PCDHGB2: variants seen among roughly 807,000 people sequenced by gnomAD.
PCDHGB2 encodes protocadherin gamma-B2.
Under a neutral mutation model 59.3 loss-of-function variants are expected in PCDHGB2, and 55 were observed. The observed-to-expected ratio is 0.93, with a 90% CI of 0.75 to 1.16. PCDHGB2 has a LOEUF of 1.16. PCDHGB2 is among the 50% of genes most tolerant of loss of function. The probability of loss-of-function intolerance (pLI) is 0.00; values close to 1 mark genes in which losing one functional copy is unlikely to be tolerated. For synonymous variants in PCDHGB2, 516 were observed against 512.0 expected, an observed-to-expected ratio of 1.01 and a Z score of -0.11; for missense variants, 1,228 against 1,198.5, an observed-to-expected ratio of 1.02 and a Z score of -0.36.
At chr5:141,417,648 T>A in intron 1 of PCDHGB2, 5 of 818,672 alleles carry the variant, frequency 6.1e-6, no homozygotes, top group Non-Finnish European at 9.1e-6. Flanking sequence ...TCCCTCAGCC[T>A]CTAGCCTGGG....
At chr5:141,450,995 T>G (rs983544118) in intron 1 of PCDHGB2, among the ~76,000 whole-genome samples, 3 of 151,510 alleles carry the variant, frequency 2.0e-5, no homozygotes, top group Non-Finnish European at 4.4e-5. Context: ...CGGCTAATTT[T>G]TTTGTATTTT....
intron 1 of PCDHGB2, among the ~76,000 whole-genome samples, chr5:141,380,518 T>A (rs1166161347): frequency 2.6e-5 from 4 of 152,254 alleles, no homozygotes; most frequent in Non-Finnish European, 5.9e-5. Context: ...CTTTAAACTA[T>A]GAAATGATTT....
In PCDHGB2 at chr5:141,384,194, T is replaced by A. The variant is rs763395046; in HGVS notation, c.2421+21638T>A. 4.3e-6 allele frequency: 7 copies of A among 1,613,674 alleles called. No homozygotes were observed. In the East Asian group the frequency reaches 1.3e-4, roughly 31 times the overall value. ...GCCACAGATGGTGGAACTCCTCCCT[T>A]GTCCAGGGAAACTCACATATTCATG... On this transcript the variant is annotated intron_variant, in intron 1 of 3. Transcript: ENST00000522605.
At chr5:141,510,785 C>G (rs951225541) in intron 3 of PCDHGB2, among the ~76,000 whole-genome samples, 162 bp from the exon 4 acceptor site, 1 of 152,150 alleles carries the variant, frequency 6.6e-6, no homozygotes, top group Non-Finnish European at 1.5e-5. Flanking sequence ...ACCCTCAACT[C>G]TTGTGAAGAG....
rs1404447940 is a variant in PCDHGB2 at position 141,428,036 on chromosome 5, C to T, written c.2421+65480C>T. On this transcript the variant is annotated intron_variant, in intron 1 of 3. Transcript: ENST00000522605. ...TGCCACGCGCCGCAGAGTCCGGCTA[C>T]CTGGTGACCAAGGTGGTGGCGGTGG... The T allele has an allele frequency of 3.7e-6, 6 of 1,608,246 alleles. No homozygotes were observed. The African/African-American group carries it at 4.0e-5, about 11-fold the overall frequency.
chr5:141,503,773 C>A (rs961986223), intron 2 of PCDHGB2, among the ~76,000 whole-genome samples: 1 of 152,204 alleles, frequency 6.6e-6, no homozygotes. Context: ...TGTGTCTGTT[C>A]TTAGGCTGAG....
intron 1 of PCDHGB2, chr5:141,385,213 C>T (rs1481010729): frequency 1.7e-5 from 28 of 1,614,108 alleles, no homozygotes; most frequent in Non-Finnish European, 2.2e-5. Flanking sequence ...GATCTTCCCC[C>T]AGCCCAACTA....
chr5:141,432,421 C>T lies in PCDHGB2; in HGVS notation c.2422-62386C>T, dbSNP rs771647620. 10 of 1,614,126 alleles carry T rather than the reference C, an allele frequency of 6.2e-6. No homozygotes were observed. In the African/African-American group the frequency reaches 1.2e-4, roughly 19 times the overall value. ...TGTCGTTGAGCCTGTTCGTGCTGGA[C>T]CAGAACGACAATGCGCCCGAGATCC... On this transcript the variant is annotated intron_variant, in intron 1 of 3. Transcript: ENST00000522605. This position sits in a 1 kb window ranked among gnomAD's most constrained non-coding sequence, Gnocchi z 6.0.
chr5:141,399,038 A>G (rs1228007346), intron 1 of PCDHGB2: 2 of 1,613,854 alleles, frequency 1.2e-6, no homozygotes, highest in South Asian at 2.2e-5. Context: ...AAGAAACTGG[A>G]TTTTGAAGAG....
At chr5:141,460,596 C>G (rs930441447) in intron 1 of PCDHGB2, among the ~76,000 whole-genome samples, 2 of 151,986 alleles carry the variant, frequency 1.3e-5, no homozygotes, top group Non-Finnish European at 2.9e-5. Flanking sequence ...TTTCTGGGCT[C>G]TCTGTGTTAG....
At chr5:141,362,644 T>G in intron 1 of PCDHGB2, 88 bp downstream of exon 1, 2 of 1,454,150 alleles carry the variant, frequency 1.4e-6, no homozygotes, top group Non-Finnish European at 1.8e-6. Flanking sequence ...TCTTTGTCTG[T>G]GAGTTAGATT....
intron 1 of PCDHGB2, chr5:141,376,102 C>G (rs1772284190): frequency 6.2e-7 from 1 of 1,613,506 alleles, no homozygotes; most frequent in Non-Finnish European, 8.5e-7. Flanking sequence ...ACATCCTGGC[C>G]GACCTGGGCA....
Position 141,361,254 on chromosome 5 carries a change from CAG to C in PCDHGB2, c.1123_1124del (p.Asp375LeufsTer73). The C allele has an allele frequency of 6.2e-7, 1 of 1,613,964 alleles. No homozygotes were observed. Among genetic ancestry groups the C allele is most frequent in the South Asian group, 1.1e-5 (1 of 91,082 alleles). ...TVIALIKTRD[R>X]DSGENGEVYC... ...TGATCGCCTTGATAAAAACGAGAGA[CAG>C]AGACTCTGGAGAAAATGGAGAAGTT... On this transcript the variant is annotated frameshift_variant, in exon 1 of 4. Coordinates refer to ENST00000522605, the MANE Select transcript of PCDHGB2 (RefSeq NM_018923.3). LOFTEE classifies it high-confidence loss of function.
Position 141,486,362 on chromosome 5 carries a change from C to A in PCDHGB2, c.2422-8445C>A. On this transcript the variant is annotated intron_variant, in intron 1 of 3. Coordinates refer to ENST00000522605, the MANE Select transcript of PCDHGB2 (RefSeq NM_018923.3). The surrounding 1 kb of genome is among the most constrained non-coding windows in gnomAD (Gnocchi z 5.0). ...CATTCCTGACCACTTGCCATTTGCC[C>A]TCAAGTCTGCCTTCAGGAACCAGTT... The A allele has an allele frequency of 6.2e-7, 1 of 1,614,132 alleles. No individual in the cohort carries two copies. The highest frequency in any genetic ancestry group is 1.7e-5 in the Admixed American group (1 of 60,024).
intron 1 of PCDHGB2, chr5:141,393,030 C>T (rs1376617687): frequency 1.2e-6 from 2 of 1,613,780 alleles, no homozygotes; most frequent in Admixed American, 3.3e-5. Context: ...AGGTAGGACG[C>T]AGCTCTTTGC....
At chr5:141,457,953 C>G (rs12188170) in intron 1 of PCDHGB2, among the ~76,000 whole-genome samples, 6,291 of 152,286 alleles carry the variant, frequency 0.041, 196 homozygotes, top group Admixed American at 0.075. Context: ...GCATGTCAAG[C>G]TTGATTCCTT....
Position 141,487,562 on chromosome 5 carries a change from G to C in PCDHGB2, c.2422-7245G>C. The stretch of plus-strand genomic sequence containing the variant: ...GAAGTCACCCAGTGCACCTATGGCA[G>C]GGGAGCCTGTTCGCCCAAGCTGCCC... On this transcript the variant is annotated intron_variant, in intron 1 of 3. Coordinates refer to ENST00000522605, the MANE Select transcript of PCDHGB2 (RefSeq NM_018923.3). The surrounding 1 kb of genome is among the most constrained non-coding windows in gnomAD (Gnocchi z 5.0). The C allele has an allele frequency of 6.2e-7, 1 of 1,614,178 alleles. No homozygotes were observed.
chr5:141,382,961 G>A (rs749724133), intron 1 of PCDHGB2: 14 of 1,607,564 alleles, frequency 8.7e-6, no homozygotes, highest in Non-Finnish European at 1.2e-5. Flanking sequence ...ATCCTCCTGG[G>A]GACCCCCTGG....
Position 141,360,259 on chromosome 5 carries a change from G to T in PCDHGB2, c.124G>T (p.Ala42Ser), listed in dbSNP as rs1480469675. 6.2e-7 allele frequency: 1 copy of T among 1,613,964 alleles called. No homozygotes were observed. The highest frequency in any genetic ancestry group is 1.1e-5 in the South Asian group (1 of 91,072). Residue 42 changes from alanine to serine, a missense_variant, in exon 1 of 4, where the codon GCC (alanine) becomes TCC (serine). Around this residue, in one of 3 missense-constraint regions of PCDHGB2, gnomAD observed 781 missense variants for 721.6 expected, o/e 1.08. Coordinates refer to ENST00000522605, the MANE Select transcript of PCDHGB2 (RefSeq NM_018923.3). ...CCGCTATTCAATTCCAGAGGAGCTG[G>T]CCAAAAACTCGGTCGTAGGAAACCT... ...QIRYSIPEELAKNSVVGNLAK... is the reference protein window; with the variant it reads ...QIRYSIPEELSKNSVVGNLAK...
Sources: allele counts gnomAD v4.1 joint callset (sites outside exome capture counted in the v4.1 genomes callset), GRCh38; gene constraint gnomAD v4.1.1; regional missense constraint gnomAD v4.1.1; non-coding constraint Gnocchi (gnomAD v3.1); transcripts MANE v1.5; gene names NCBI Gene and HGNC (gene_info 2026-07-23, HGNC 2026-07-21).